Variants in JPH4 observed in about 807,000 individuals in gnomAD.
The protein encoded by JPH4 is junctophilin-4.
Under a neutral mutation model 57.6 loss-of-function variants are expected in JPH4, and 18 were observed. The observed-to-expected ratio is 0.31, with a 90% CI of 0.22 to 0.46. The LOEUF (loss-of-function observed/expected upper bound fraction) is 0.46, where lower values mean the gene tolerates loss of function less well. Ranked by LOEUF, JPH4 falls within the 20% of genes least tolerant of loss-of-function variation. The probability of loss-of-function intolerance (pLI) is 1.00; values close to 1 mark genes in which losing one functional copy is unlikely to be tolerated. For synonymous variants in JPH4, 425 were observed against 406.6 expected, an observed-to-expected ratio of 1.05 and a Z score of -0.54; for missense variants, 727 against 911.1, an observed-to-expected ratio of 0.80 and a Z score of 2.60.
Position 23,571,072 on chromosome 14 carries a change from C to T in JPH4, c.1659G>A (p.Leu553=), listed in dbSNP as rs1364608934. 1.2e-6 allele frequency: 2 copies of T among 1,612,508 alleles called. No individual in the cohort carries two copies. Among genetic ancestry groups the T allele is most frequent in the Admixed American group, 1.7e-5 (1 of 59,890 alleles). Residue 553 remains leucine, a synonymous_variant, in exon 5 of 6, where the codon CTG becomes CTA. Coordinates refer to ENST00000356300, the MANE Select transcript of JPH4 (RefSeq NM_001146028.2). The surrounding 1 kb of genome is among the most constrained non-coding windows in gnomAD (Gnocchi z 4.6). The part of the protein sequence containing the change: ...REEEGEDEEP[L]PPLRAPAGTE... Reference sequence around the variant, plus strand: ...TGCCTGCTGGGGCCCTCAGCGGGGGCAGGGGCTCTTCATCCTCCCCCTCCT... The same window carrying T: ...TGCCTGCTGGGGCCCTCAGCGGGGGTAGGGGCTCTTCATCCTCCCCCTCCT...
rs1889051869 is a variant in JPH4 at position 23,569,844 on chromosome 14, C to T, written c.1804-127G>A. ...GCACAGCCTGGAGCAGGGGGATCGC[C>T]AACATTTGTTTTGGATTGCAAAACC... is the stretch of plus-strand genomic sequence containing the variant. On this transcript the variant is annotated intron_variant, in intron 5 of 5. Coordinates refer to ENST00000356300, the MANE Select transcript of JPH4 (RefSeq NM_001146028.2). The surrounding 1 kb of genome is among the most constrained non-coding windows in gnomAD (Gnocchi z 4.8). The T allele has an allele frequency of 1.6e-6, 1 of 628,380 alleles. No homozygotes were observed. The highest frequency in any genetic ancestry group is 1.9e-5 in the African/African-American group (1 of 53,552). The allele number at this position is 628,380 out of a possible 1,614,324, so 38.9% of individuals were successfully genotyped here.
Position 23,571,021 on chromosome 14 carries a change from C to T in JPH4, c.1710G>A (p.Leu570=). ...CCCTCGAGGACGAGCCCCTCAGGAC[C>T]AGCATGGCGATGGGCTCAGGCTCCG... ...AGTEPEPIAM[L]VLRGSSSRGP... Residue 570 remains leucine, a synonymous_variant, in exon 5 of 6, where the codon CTG becomes CTA. Transcript: ENST00000356300. The surrounding 1 kb of genome is among the most constrained non-coding windows in gnomAD (Gnocchi z 4.6). The T allele has an allele frequency of 6.3e-7, 1 of 1,588,688 alleles. No individual in the cohort carries two copies. The highest frequency in any genetic ancestry group is 8.6e-7 in the Non-Finnish European group (1 of 1,166,214).
rs1888947227 is a variant in JPH4, at chr14:23,568,877, TTC to T, written c.*755_*756del. On this transcript the variant is annotated 3_prime_UTR_variant, in exon 6 of 6. Coordinates refer to ENST00000356300, the MANE Select transcript of JPH4 (RefSeq NM_001146028.2). ...AGGGTGGACTTGACTGCATTGGATATTCTCTGTTCCTTTACACGTTGCTCTTG... is the reference window on the plus strand; with the variant it reads ...AGGGTGGACTTGACTGCATTGGATATTCTGTTCCTTTACACGTTGCTCTTG... 1.0e-5 allele frequency: 9 copies of T among 874,830 alleles called. No individual in the cohort carries two copies. The highest frequency in any genetic ancestry group is 3.6e-5 in the African/African-American group (2 of 55,048). The allele number at this position is 874,830 out of a possible 1,614,324, so 54.2% of individuals were successfully genotyped here.
In JPH4 at chr14:23,569,447, T is replaced by A. The variant is rs1889013423; in HGVS notation, c.*187A>T. ...AATACAGAGACAGATCCAGAAGAAATGAGATAATCTGAAAGAAGACAGGGA... is the reference window on the plus strand; with the variant it reads ...AATACAGAGACAGATCCAGAAGAAAAGAGATAATCTGAAAGAAGACAGGGA... On this transcript the variant is annotated 3_prime_UTR_variant, in exon 6 of 6. Transcript: ENST00000356300. This position sits in a 1 kb window ranked among gnomAD's most constrained non-coding sequence, Gnocchi z 4.8. The A allele has an allele frequency of 6.7e-6, 4 of 599,700 alleles. No individual in the cohort carries two copies. The highest frequency in any genetic ancestry group is 1.2e-5 in the Non-Finnish European group (4 of 335,390). 37.1% of individuals were successfully genotyped at this position (599,700 alleles called of 1,614,324 possible). A position where few individuals can be genotyped will look rare whatever the true frequency, so the allele number is the denominator to read the frequency against.
In JPH4 at chr14:23,571,068, G is replaced by A. The variant is rs760180635; in HGVS notation, c.1663C>T (p.Pro555Ser). Residue 555 changes from proline to serine, a missense_variant, in exon 5 of 6, where the codon CCG becomes TCG. By Grantham distance (74) the Pro-to-Ser change is moderately conservative (BLOSUM62 -1). Transcript: ENST00000356300. This position sits in a 1 kb window ranked among gnomAD's most constrained non-coding sequence, Gnocchi z 4.6. ...TCCGTGCCTGCTGGGGCCCTCAGCG[G>A]GGGCAGGGGCTCTTCATCCTCCCCC... ...EEGEDEEPLP[P>S]LRAPAGTEPE... 1.9e-6 allele frequency: 3 copies of A among 1,612,018 alleles called. No individual in the cohort carries two copies. Among genetic ancestry groups the A allele is most frequent in the African/African-American group, 2.7e-5 (2 of 74,894 alleles).
rs1323270481 is a variant in JPH4, at chr14:23,575,635, G to C, written c.1151+50C>G. On this transcript the variant is annotated intron_variant, in intron 3 of 5. Transcript: ENST00000356300. This position sits in a 1 kb window ranked among gnomAD's most constrained non-coding sequence, Gnocchi z 6.9. Reference sequence around the variant, plus strand: ...GGCACACCCGCCTTCCTGGTCCCCAGCGCACCCCCTCCTCTTAGCCCAGCT... The same window carrying C: ...GGCACACCCGCCTTCCTGGTCCCCACCGCACCCCCTCCTCTTAGCCCAGCT... 8 of 1,555,072 alleles carry C rather than the reference G, an allele frequency of 5.1e-6. No individual in the cohort carries two copies. Among genetic ancestry groups the C allele is most frequent in the African/African-American group, 1.4e-5 (1 of 73,354 alleles).
In JPH4 at chr14:23,569,342, C is replaced by G. The variant is rs970460274; in HGVS notation, c.*292G>C. 1 of 395,252 alleles carries G rather than the reference C, an allele frequency of 2.5e-6. No individual in the cohort carries two copies. The highest frequency in any genetic ancestry group is 4.7e-6 in the Non-Finnish European group (1 of 211,732). The allele number at this position is 395,252 out of a possible 1,614,324, so 24.5% of individuals were successfully genotyped here. ...TTAGATTTGTGTGTCTCAGAGAAGA[C>G]AGCAACTCTGAGAGAGAAAAGCCCT... On this transcript the variant is annotated 3_prime_UTR_variant, in exon 6 of 6. Coordinates refer to ENST00000356300, the MANE Select transcript of JPH4 (RefSeq NM_001146028.2). The surrounding 1 kb of genome is among the most constrained non-coding windows in gnomAD (Gnocchi z 4.8).
In JPH4 at chr14:23,569,539, A is replaced by C. The variant is rs1440530702; in HGVS notation, c.*95T>G. On this transcript the variant is annotated 3_prime_UTR_variant, in exon 6 of 6. Coordinates refer to ENST00000356300, the MANE Select transcript of JPH4 (RefSeq NM_001146028.2). The surrounding 1 kb of genome is among the most constrained non-coding windows in gnomAD (Gnocchi z 4.8). ...AAGGAAGAAGAGAAAGAAAGATAGG[A>C]GAAAACACAGCCAGGAAGAGGAGAA... 2.5e-6 allele frequency: 2 copies of C among 802,902 alleles called. No homozygotes were observed. The highest frequency in any genetic ancestry group is 4.1e-5 in the Admixed American group (2 of 48,946). The allele number at this position is 802,902 out of a possible 1,614,324, so 49.7% of individuals were successfully genotyped here. A position where few individuals can be genotyped will look rare whatever the true frequency, so the allele number is the denominator to read the frequency against.
chr14:23,575,633 C>T lies in JPH4; in HGVS notation c.1151+52G>A, dbSNP rs1291565455. The T allele has an allele frequency of 2.4e-5, 38 of 1,553,936 alleles. No homozygotes were observed. Among genetic ancestry groups the T allele is most frequent in the Non-Finnish European group, 3.2e-5 (37 of 1,153,342 alleles). On this transcript the variant is annotated intron_variant, in intron 3 of 5. Coordinates refer to ENST00000356300, the MANE Select transcript of JPH4 (RefSeq NM_001146028.2). This position sits in a 1 kb window ranked among gnomAD's most constrained non-coding sequence, Gnocchi z 6.9. Reference sequence around the variant, plus strand: ...TAGGCACACCCGCCTTCCTGGTCCCCAGCGCACCCCCTCCTCTTAGCCCAG... The same window carrying T: ...TAGGCACACCCGCCTTCCTGGTCCCTAGCGCACCCCCTCCTCTTAGCCCAG...
In JPH4 at chr14:23,572,984, A is replaced by ATCTACTCATCTGTAGATTACAG. The variant is rs1889190483; in HGVS notation, c.1152-1065_1152-1064insCTGTAATCTACAGATGAGTAGA. On this transcript the variant is annotated intron_variant, in intron 3 of 5. Transcript: ENST00000356300. ...AATCGTAGATGCCTTGTCATCCTTA[A>ATCTACTCATCTGTAGATTACAG]ATGAGTTCTGTAATTCTGAGGGTGG... 3 of 702,032 alleles carry ATCTACTCATCTGTAGATTACAG rather than the reference A, an allele frequency of 4.3e-6. No homozygotes were observed. In the East Asian group the frequency reaches 8.0e-5, roughly 19 times the overall value. The allele number at this position is 702,032 out of a possible 1,614,324, so 43.5% of individuals were successfully genotyped here. A position where few individuals can be genotyped will look rare whatever the true frequency, so the allele number is the denominator to read the frequency against.
chr14:23,574,468 G>A (rs1348727341), intron 3 of JPH4, among the ~76,000 whole-genome samples: 3 of 152,086 alleles, frequency 2.0e-5, no homozygotes, highest in East Asian at 1.9e-4. Flanking sequence ...CACCGTGCCC[G>A]GCCTTCTTTC....
chr14:23,575,608 T>C lies in JPH4; in HGVS notation c.1151+77A>G. On this transcript the variant is annotated intron_variant, in intron 3 of 5. Transcript: ENST00000356300. This position sits in a 1 kb window ranked among gnomAD's most constrained non-coding sequence, Gnocchi z 6.9. ...TAGGCCTTGGGCCTTGGGCCTCCCTTAGGCACACCCGCCTTCCTGGTCCCC... is the reference window on the plus strand; with the variant it reads ...TAGGCCTTGGGCCTTGGGCCTCCCTCAGGCACACCCGCCTTCCTGGTCCCC... 6.5e-7 allele frequency: 1 copy of C among 1,534,748 alleles called. No individual in the cohort carries two copies.
chr14:23,576,490 G>A lies in JPH4; in HGVS notation c.380-34C>T. The A allele has an allele frequency of 7.3e-7, 1 of 1,373,234 alleles. No homozygotes were observed. 85.1% of individuals were successfully genotyped at this position (1,373,234 alleles called of 1,614,324 possible). ...GGCGGAGGGGTGGGAGAAAGAGTCA[G>A]GACGTGCCGCTGGGCTCCTTGCGCC... is the stretch of plus-strand genomic sequence containing the variant. On this transcript the variant is annotated intron_variant, in intron 2 of 5. Transcript: ENST00000356300. This position sits in a 1 kb window ranked among gnomAD's most constrained non-coding sequence, Gnocchi z 8.0.
Position 23,569,514 on chromosome 14 carries a change from A to T in JPH4, c.*120T>A. ...AAAAAACAAAGGAGCACAGAAAAGAAAGGAAGAAGAGAAAGAAAGATAGGA... is the reference window on the plus strand; with the variant it reads ...AAAAAACAAAGGAGCACAGAAAAGATAGGAAGAAGAGAAAGAAAGATAGGA... On this transcript the variant is annotated 3_prime_UTR_variant, in exon 6 of 6. Transcript: ENST00000356300. The surrounding 1 kb of genome is among the most constrained non-coding windows in gnomAD (Gnocchi z 4.8). 1 of 718,696 alleles carries T rather than the reference A, an allele frequency of 1.4e-6. No individual in the cohort carries two copies. The highest frequency in any genetic ancestry group is 2.5e-6 in the Non-Finnish European group (1 of 403,384). The allele number at this position is 718,696 out of a possible 1,614,324, so 44.5% of individuals were successfully genotyped here.
Position 23,576,228 on chromosome 14 carries a change from G to T in JPH4, c.608C>A (p.Ala203Asp). The T allele has an allele frequency of 7.9e-7, 1 of 1,272,644 alleles. No individual in the cohort carries two copies. The highest frequency in any genetic ancestry group is 9.9e-7 in the Non-Finnish European group (1 of 1,010,960). The allele number at this position is 1,272,644 out of a possible 1,614,324, so 78.8% of individuals were successfully genotyped here. A position where few individuals can be genotyped will look rare whatever the true frequency, so the allele number is the denominator to read the frequency against. ...GGFVLAGPGDADGASSRKRTP... is the reference protein window; with the variant it reads ...GGFVLAGPGDDDGASSRKRTP... ...GCGCTTTCGGGACGACGCGCCGTCGGCGTCCCCGGGCCCGGCCAGCACGAA... is the reference window on the plus strand; with the variant it reads ...GCGCTTTCGGGACGACGCGCCGTCGTCGTCCCCGGGCCCGGCCAGCACGAA... The change falls in exon 3 of 6, where the codon GCC (alanine) becomes GAC (aspartate). Residue 203 changes from alanine to aspartate, a missense_variant. Ala to Asp is a moderately radical substitution (Grantham distance 126). This residue lies in a region of JPH4 where 131 missense variants were observed against 156.5 expected (regional missense o/e 0.84). Transcript: ENST00000356300. The surrounding 1 kb of genome is among the most constrained non-coding windows in gnomAD (Gnocchi z 8.0).
In JPH4 at chr14:23,568,477, C is replaced by G; in HGVS notation, c.*1157G>C. The G allele has an allele frequency of 1.0e-6, 1 of 985,808 alleles. No individual in the cohort carries two copies. The highest frequency in any genetic ancestry group is 1.2e-6 in the Non-Finnish European group (1 of 830,000). 61.1% of individuals were successfully genotyped at this position (985,808 alleles called of 1,614,324 possible). ...ACCCGGGTTTGACTCCCACCTCTGC[C>G]CTGCCTGGGAAGCATGTGAGATCAG... On this transcript the variant is annotated 3_prime_UTR_variant, in exon 6 of 6. Transcript: ENST00000356300.
In JPH4 at chr14:23,571,134, C is replaced by G; in HGVS notation, c.1597G>C (p.Gly533Arg). The G allele has an allele frequency of 6.2e-7, 1 of 1,614,110 alleles. No homozygotes were observed. Among genetic ancestry groups the G allele is most frequent in the Non-Finnish European group, 8.5e-7 (1 of 1,180,004 alleles). ...PGPRDGSPLL[G>R]GCSDSSGSLR... ...CTTCCTGAACTGTCGCTGCAGCCTCCGAGGAGTGGGGAACCGTCTCTGGGC... is the reference window on the plus strand; with the variant it reads ...CTTCCTGAACTGTCGCTGCAGCCTCGGAGGAGTGGGGAACCGTCTCTGGGC... Residue 533 changes from glycine (G) to arginine (R), a missense_variant, in exon 5 of 6, where the codon GGA (glycine) becomes CGA (arginine). Gly to Arg is a moderately radical substitution (Grantham distance 125, BLOSUM62 -2). Around this residue, in one of 7 missense-constraint regions of JPH4, gnomAD observed 293 missense variants for 279.8 expected, o/e 1.05. Coordinates refer to ENST00000356300, the MANE Select transcript of JPH4 (RefSeq NM_001146028.2). This position sits in a 1 kb window ranked among gnomAD's most constrained non-coding sequence, Gnocchi z 4.6.
chr14:23,572,302 T>C (rs1206856292), intron 3 of JPH4, among the ~76,000 whole-genome samples: 1 of 151,986 alleles, frequency 6.6e-6, no homozygotes, highest in African/African-American at 2.4e-5. Context: ...GCACATCCCC[T>C]GCAGTCCTGC....
rs776760102 is a variant in JPH4, at chr14:23,577,408, C to T, written c.46G>A (p.Val16Met). The change falls in exon 2 of 6, where the codon GTG becomes ATG. Residue 16 changes from valine to methionine, a missense_variant. Val to Met is a conservative substitution (Grantham distance 21). Transcript: ENST00000356300. This position sits in a 1 kb window ranked among gnomAD's most constrained non-coding sequence, Gnocchi z 8.4. Reference sequence around the variant, plus strand: ...GCCCGCCCCGCCTCCCAGCCCCCCACGTAGCAGCCCCCGTCGTCAAAGTCG... The same window carrying T: ...GCCCGCCCCGCCTCCCAGCCCCCCATGTAGCAGCCCCCGTCGTCAAAGTCG... ...KFDFDDGGCYVGGWEAGRAHG... is the reference protein window; with the variant it reads ...KFDFDDGGCYMGGWEAGRAHG... 2.1e-6 allele frequency: 3 copies of T among 1,457,206 alleles called. No homozygotes were observed. Among genetic ancestry groups the T allele is most frequent in the Non-Finnish European group, 9.0e-7 (1 of 1,108,256 alleles). The allele number at this position is 1,457,206 out of a possible 1,614,324, so 90.3% of individuals were successfully genotyped here. A position where few individuals can be genotyped will look rare whatever the true frequency, so the allele number is the denominator to read the frequency against.
Sources: allele counts gnomAD v4.1 joint callset (sites outside exome capture counted in the v4.1 genomes callset), GRCh38; gene constraint gnomAD v4.1.1; regional missense constraint gnomAD v4.1.1; non-coding constraint Gnocchi (gnomAD v3.1); transcripts MANE v1.5; gene names NCBI Gene and HGNC (gene_info 2026-07-23, HGNC 2026-07-21).